ANO10: variants seen among roughly 807,000 people sequenced by gnomAD.
The protein encoded by ANO10 is anoctamin 10, also known as anoctamin-10.
Under a neutral mutation model 74.7 loss-of-function variants are expected in ANO10, and 77 were observed. That is an observed-to-expected ratio of 1.03 (90% CI 0.86 to 1.25). The LOEUF (loss-of-function observed/expected upper bound fraction) is 1.25, where lower values mean the gene tolerates loss of function less well. Among genes scored for constraint, ANO10 ranks in the 50% most tolerant of loss-of-function variants. The pLI is 0.00. For synonymous variants in ANO10, 279 were observed against 284.9 expected, an observed-to-expected ratio of 0.98 and a Z score of 0.21; for missense variants, 721 against 778.1, an observed-to-expected ratio of 0.93 and a Z score of 0.87.
chr3:43,542,642 A>C (rs1214207747), intron 11 of ANO10, among the ~76,000 whole-genome samples: 1 of 152,204 alleles, frequency 6.6e-6, no homozygotes, highest in Non-Finnish European at 1.5e-5. Flanking sequence ...GGAAACTGAG[A>C]CTCAAAGATT....
intron 7 of ANO10, among the ~76,000 whole-genome samples, chr3:43,566,868 G>A (rs1220097157): frequency 6.6e-6 from 1 of 152,192 alleles, no homozygotes; most frequent in Middle Eastern, 3.2e-3. Context: ...GAAGGCTTCA[G>A]ACGATCAAAT....
At chr3:43,438,903 A>T (rs938837808) in intron 11 of ANO10, among the ~76,000 whole-genome samples, 3 of 152,220 alleles carry the variant, frequency 2.0e-5, no homozygotes, top group African/African-American at 7.2e-5. Flanking sequence ...ATGAAACAGC[A>T]TCAATTGGAC....
At chr3:43,598,398 A>C in intron 4 of ANO10, 134 bp downstream of exon 4, 1 of 876,532 alleles carries the variant, frequency 1.1e-6, no homozygotes, top group Non-Finnish European at 1.7e-6. Flanking sequence ...TGAGGTTCCA[A>C]AGGGAAAAGA....
chr3:43,454,650 T>C (rs760652895), intron 11 of ANO10, among the ~76,000 whole-genome samples: 12 of 151,880 alleles, frequency 7.9e-5, no homozygotes, highest in Non-Finnish European at 1.5e-4. Flanking sequence ...GAAAATCAAA[T>C]GAAAACAGTG....
At chr3:43,581,974 A>T (rs1016703864) in intron 4 of ANO10, among the ~76,000 whole-genome samples, 4 of 151,864 alleles carry the variant, frequency 2.6e-5, no homozygotes, top group Admixed American at 6.6e-5. Context: ...TTAAGAAAGG[A>T]TGCTTTGCTG....
intron 12 of ANO10, among the ~76,000 whole-genome samples, chr3:43,391,144 G>A (rs2092264670): frequency 6.6e-6 from 1 of 152,168 alleles, no homozygotes; most frequent in South Asian, 2.1e-4. Flanking sequence ...AACCACTCAT[G>A]TCAGCGTATA....
intron 11 of ANO10, among the ~76,000 whole-genome samples, chr3:43,477,277 T>C (rs1559589461): frequency 6.6e-6 from 1 of 152,210 alleles, no homozygotes; most frequent in South Asian, 2.1e-4. Context: ...TTGTAGTGGA[T>C]AAAACTTAGG....
intron 1 of ANO10, among the ~76,000 whole-genome samples, chr3:43,668,366 TCA>T (rs1216064715): frequency 6.6e-6 from 1 of 152,152 alleles, no homozygotes; most frequent in East Asian, 1.9e-4. Flanking sequence ...ATGTTTTCTC[TCA>T]CTCTGTGGGC....
At chr3:43,501,983 C>G (rs1482404541) in intron 11 of ANO10, among the ~76,000 whole-genome samples, 1 of 152,138 alleles carries the variant, frequency 6.6e-6, no homozygotes, top group Non-Finnish European at 1.5e-5. Context: ...AGGATGGCTA[C>G]TATAAACAAA....
At chr3:43,536,629 G>A (rs901524130) in intron 11 of ANO10, among the ~76,000 whole-genome samples, 10 of 151,996 alleles carry the variant, frequency 6.6e-5, no homozygotes, top group Non-Finnish European at 1.5e-4. Context: ...AGAAAGAAAA[G>A]CTTAAAAGCC....
chr3:43,620,696 C>T (rs926282815), intron 1 of ANO10, among the ~76,000 whole-genome samples: 2 of 152,090 alleles, frequency 1.3e-5, no homozygotes, highest in Admixed American at 6.5e-5. Flanking sequence ...ACCCGAGAGG[C>T]GGAGGTTGCA....
intron 12 of ANO10, among the ~76,000 whole-genome samples, chr3:43,381,205 G>C (rs1178881027): frequency 1.3e-5 from 2 of 152,098 alleles, no homozygotes; most frequent in East Asian, 3.9e-4. Flanking sequence ...CCAGGACATG[G>C]TCAACCCATG....
In ANO10 at chr3:43,475,035, T is replaced by C. The variant is rs375272066; in HGVS notation, c.1798-42308A>G. Reference sequence around the variant, plus strand: ...CCAAATCTTAATAGCCAGAGAAAACTACTGGTGTTAACATTGGATTATATC... The same window carrying C: ...CCAAATCTTAATAGCCAGAGAAAACCACTGGTGTTAACATTGGATTATATC... On this transcript the variant is annotated intron_variant, in intron 11 of 12. Coordinates refer to ENST00000292246, the MANE Select transcript of ANO10 (RefSeq NM_018075.5). 2.6e-5 allele frequency among the ~76,000 whole-genome samples: 4 copies of C among 152,300 alleles called. No homozygotes were observed. The East Asian group carries it at 7.7e-4, about 29-fold the overall frequency.
intron 11 of ANO10, among the ~76,000 whole-genome samples, chr3:43,524,365 C>T (rs2078097409): frequency 7.5e-5 from 1 of 13,280 alleles, no homozygotes; most frequent in Non-Finnish European, 4.6e-4. Context: ...CTTTTAACTC[C>T]CCCTACCCTA....
At chr3:43,687,799 A>T (rs1198603792) in intron 1 of ANO10, among the ~76,000 whole-genome samples, 1 of 152,130 alleles carries the variant, frequency 6.6e-6, no homozygotes. Flanking sequence ...GTAGTGATGG[A>T]GGAAGTCTGG....
chr3:43,395,168 T>G (rs1176904274), intron 12 of ANO10, among the ~76,000 whole-genome samples: 1 of 152,092 alleles, frequency 6.6e-6, no homozygotes, highest in Admixed American at 6.5e-5. Context: ...TAATTATCAG[T>G]TTTTTAACAA....
chr3:43,566,325 G>T (rs1488341485), intron 7 of ANO10, among the ~76,000 whole-genome samples: 1 of 152,234 alleles, frequency 6.6e-6, no homozygotes. Context: ...GAACTGGGTG[G>T]AGCCCACCAC....
intron 1 of ANO10, among the ~76,000 whole-genome samples, chr3:43,653,555 T>C (rs922096070): frequency 6.6e-6 from 1 of 152,206 alleles, no homozygotes; most frequent in Admixed American, 6.5e-5. Context: ...TGAATAATCA[T>C]CTTACTAGAA....
chr3:43,585,801 T>G (rs1159302083), intron 4 of ANO10, among the ~76,000 whole-genome samples: 2 of 152,130 alleles, frequency 1.3e-5, no homozygotes, highest in African/African-American at 4.8e-5. Context: ...TAAGAAAGAT[T>G]CAAAAATTTT....
Sources: allele counts gnomAD v4.1 joint callset (sites outside exome capture counted in the v4.1 genomes callset), GRCh38; gene constraint gnomAD v4.1.1; transcripts MANE v1.5; gene names NCBI Gene and HGNC (gene_info 2026-07-23, HGNC 2026-07-21).